Variants in TMTC1 observed in about 807,000 individuals in gnomAD.
TMTC1 encodes the protein protein O-mannosyl-transferase TMTC1.
TMTC1 carries 73 observed loss-of-function variants against 104.8 expected under a neutral mutation model. The observed-to-expected ratio is 0.70, with a 90% confidence interval of 0.58 to 0.85. The LOEUF is 0.85. Ranked by LOEUF, TMTC1 falls within the 40% of genes least tolerant of loss-of-function variation. The pLI, the probability that TMTC1 is intolerant of heterozygous loss-of-function variation, is 0.00. For missense variants in TMTC1, 1,035 were observed against 1,096.1 expected (o/e 0.94, Z 0.79); for synonymous variants, 434 against 428.7 (o/e 1.01, Z -0.15).
intron 8 of TMTC1, among the ~76,000 whole-genome samples, chr12:29,573,069 C>A (rs551141963): frequency 2.6e-5 from 4 of 152,238 alleles, no homozygotes; most frequent in African/African-American, 9.6e-5. Context: ...CTCTCGCTCC[C>A]CTCGCATCTA....
At chr12:29,515,749 G>A (rs1207507108) in intron 15 of TMTC1, among the ~76,000 whole-genome samples, 5 of 77,796 alleles carry the variant, frequency 6.4e-5, no homozygotes, top group Admixed American at 3.9e-4. Flanking sequence ...GACAAGGGCA[G>A]TGACTTTTTT....
chr12:29,681,163 C>T (rs1243400158), intron 5 of TMTC1, among the ~76,000 whole-genome samples: 1 of 147,182 alleles, frequency 6.8e-6, no homozygotes, highest in Non-Finnish European at 1.5e-5. Context: ...AGCATGACAA[C>T]TGAAGTCATA....
At chr12:29,588,267 A>C (rs1308919094) in intron 7 of TMTC1, among the ~76,000 whole-genome samples, 1 of 152,176 alleles carries the variant, frequency 6.6e-6, no homozygotes, top group Non-Finnish European at 1.5e-5. Context: ...ACAAAAACCC[A>C]AACCAAAAAC....
At chr12:29,699,807 T>A (rs1368461088) in intron 5 of TMTC1, among the ~76,000 whole-genome samples, 1 of 151,818 alleles carries the variant, frequency 6.6e-6, no homozygotes, top group Non-Finnish European at 1.5e-5. Flanking sequence ...GCCCAGCTAA[T>A]TTTTTACTTT....
chr12:29,568,712 A>G (rs959194419), intron 9 of TMTC1: 1 of 255,410 alleles, frequency 3.9e-6, no homozygotes, highest in Admixed American at 4.4e-5. Context: ...AAGTACACAC[A>G]TGGCCAAGTA....
At position 29,639,428 on chromosome 12, in the gene TMTC1, A is replaced by G. The variant is rs114386405; in HGVS notation, c.939-6092T>C. Among the ~76,000 whole-genome samples, 457 of 152,326 alleles carry G rather than the reference A, an allele frequency of 3.0e-3. 2 individuals are homozygous for G. The highest frequency in any genetic ancestry group is 0.011 in the African/African-American group (443 of 41,576). On this transcript the variant is annotated intron_variant, in intron 5 of 17. Coordinates refer to ENST00000539277, the MANE Select transcript of TMTC1 (RefSeq NM_001193451.2). ...AACAGTTATGAGTACAGGATTAGAC[A>G]TGTATAATATAAAAATGATAAAAAT...
upstream of TMTC1, chr12:29,784,335 C>T (rs899770619): frequency 6.6e-6 from 1 of 152,258 alleles, no homozygotes; most frequent in Non-Finnish European, 1.5e-5. Context: ...GCCGCTGCTT[C>T]CCGGGAAGTT....
intron 7 of TMTC1, among the ~76,000 whole-genome samples, chr12:29,597,520 A>C (rs1254112930): frequency 2.6e-5 from 4 of 151,652 alleles, no homozygotes; most frequent in African/African-American, 9.7e-5. Context: ...CCCATGGCAG[A>C]TGGACTTCCT....
chr12:29,650,791 G>C (rs1939483878), intron 5 of TMTC1, among the ~76,000 whole-genome samples: 1 of 152,256 alleles, frequency 6.6e-6, no homozygotes, highest in South Asian at 2.1e-4. Context: ...GATCTGCAAG[G>C]GCCCAGGATT....
At chr12:29,751,539 G>A in intron 5 of TMTC1, 127 bp downstream of exon 5, 1 of 926,146 alleles carries the variant, frequency 1.1e-6, no homozygotes, top group East Asian at 2.4e-5. Context: ...GGGGTAAGGA[G>A]GGAAGCATGA....
intron 10 of TMTC1, among the ~76,000 whole-genome samples, chr12:29,552,381 T>C (rs1389826378): frequency 6.6e-6 from 1 of 152,198 alleles, no homozygotes; most frequent in Non-Finnish European, 1.5e-5. Context: ...TTGAATACAT[T>C]AGGGTTAAAT....
chr12:29,725,371 T>C (rs1405648390), intron 5 of TMTC1, among the ~76,000 whole-genome samples: 2 of 151,852 alleles, frequency 1.3e-5, no homozygotes, highest in Non-Finnish European at 2.9e-5. Context: ...ATTTCGCTTT[T>C]TGCCCAGGCT....
intron 15 of TMTC1, 131 bp downstream of exon 15, chr12:29,516,218 G>C: frequency 8.7e-7 from 1 of 1,146,408 alleles, no homozygotes; most frequent in South Asian, 1.7e-5. Context: ...AAGTTTCCAA[G>C]AGATAGGATA....
intron 5 of TMTC1, among the ~76,000 whole-genome samples, chr12:29,736,551 G>A (rs1388897862): frequency 1.3e-5 from 2 of 151,888 alleles, no homozygotes; most frequent in Non-Finnish European, 2.9e-5. Context: ...TCCTGAGTAG[G>A]GGGGATTACA....
At chr12:29,762,036 G>A (rs1319333620) in intron 2 of TMTC1, among the ~76,000 whole-genome samples, 2 of 152,022 alleles carry the variant, frequency 1.3e-5, no homozygotes, top group African/African-American at 4.8e-5. Context: ...AAATACAAAT[G>A]CCTAGCCGGG....
chr12:29,638,057 C>T lies in TMTC1; in HGVS notation c.939-4721G>A, dbSNP rs753974329. ...CTACTGATACCGCTGACATGGGAGG[C>T]GGGCAGGGAAGTGCTGGGTAGAGAA... On this transcript the variant is annotated intron_variant, in intron 5 of 17. Transcript: ENST00000539277. Among the ~76,000 whole-genome samples, 3 of 152,046 alleles carry T rather than the reference C, an allele frequency of 2.0e-5. No homozygotes were observed. In the South Asian group the frequency reaches 6.2e-4, roughly 32 times the overall value.
intron 10 of TMTC1, among the ~76,000 whole-genome samples, chr12:29,539,425 T>C (rs758459521): frequency 1.3e-5 from 2 of 152,130 alleles, no homozygotes; most frequent in African/African-American, 2.4e-5. Context: ...TTCTTCTCCT[T>C]TTATTACGTG....
intron 5 of TMTC1, among the ~76,000 whole-genome samples, chr12:29,654,669 C>T (rs185916821): frequency 1.3e-5 from 2 of 151,012 alleles, no homozygotes; most frequent in Non-Finnish European, 2.9e-5. Flanking sequence ...TTCATAGCAC[C>T]ATTATTCGTA....
At chr12:29,601,020 T>C (rs1445996008) in intron 7 of TMTC1, among the ~76,000 whole-genome samples, 5 of 152,202 alleles carry the variant, frequency 3.3e-5, no homozygotes, top group African/African-American at 1.2e-4. Flanking sequence ...AAAACCGAGG[T>C]TGGTTCCGGG....
Sources: allele counts gnomAD v4.1 joint callset (sites outside exome capture counted in the v4.1 genomes callset), GRCh38; gene constraint gnomAD v4.1.1; transcripts MANE v1.5; gene names NCBI Gene and HGNC (gene_info 2026-07-23, HGNC 2026-07-21).